Variants in KCNIP4 observed in about 807,000 individuals in gnomAD.
KCNIP4 encodes the protein potassium voltage-gated channel interacting protein 4.
KCNIP4 carries 12 observed loss-of-function variants against 34.0 expected under a neutral mutation model. That is an observed-to-expected ratio of 0.35 (90% confidence interval 0.23 to 0.57). The LOEUF is 0.57. Among genes scored for constraint, KCNIP4 ranks in the 20% least tolerant of loss-of-function variants. KCNIP4 has a pLI of 0.83. For missense variants in KCNIP4, 238 were observed against 311.7 expected (o/e 0.76, Z 1.78); for synonymous variants, 124 against 102.2 (o/e 1.21, Z -1.29).
intron 1 of KCNIP4, among the ~76,000 whole-genome samples, chr4:21,397,891 T>G (rs934786442): frequency 2.0e-5 from 3 of 151,842 alleles, no homozygotes; most frequent in African/African-American, 7.2e-5. Context: ...TTCATAAAAA[T>G]GACATGTTAT....
chr4:20,815,702 T>C (rs371858779), intron 3 of KCNIP4, among the ~76,000 whole-genome samples: 2 of 152,194 alleles, frequency 1.3e-5, no homozygotes, highest in East Asian at 1.9e-4. Context: ...ATGTTAGACA[T>C]TGTCCAGTGG....
At position 21,884,741 on chromosome 4, in the gene KCNIP4, C is replaced by T. The variant is rs78684657; in HGVS notation, c.61+63830G>A. ...CCAACCAGAAGAAAAGGAATGCCAA[C>T]ATCATCACTTGCTACTGTCCCCCTC... On this transcript the variant is annotated intron_variant, in intron 1 of 8. Coordinates refer to ENST00000382152, the MANE Select transcript of KCNIP4 (RefSeq NM_025221.6). Among the ~76,000 whole-genome samples the T allele has an allele frequency of 1.8e-3, 278 of 152,168 alleles. 10 individuals carry two copies. The East Asian group carries it at 0.051, about 28-fold the overall frequency.
At chr4:21,658,654 G>GC (rs1292860145) in intron 1 of KCNIP4, among the ~76,000 whole-genome samples, 2 of 152,266 alleles carry the variant, frequency 1.3e-5, no homozygotes, top group African/African-American at 4.8e-5. Flanking sequence ...GGCCACCTCA[G>GC]CCCCCCAAAG....
At chr4:21,708,481 C>T (rs764281210) in intron 1 of KCNIP4, among the ~76,000 whole-genome samples, 2 of 151,942 alleles carry the variant, frequency 1.3e-5, no homozygotes, top group African/African-American at 2.4e-5. Flanking sequence ...ATAATCAAAG[C>T]GACATAAGCC....
intron 1 of KCNIP4, among the ~76,000 whole-genome samples, chr4:21,559,559 C>T (rs928888164): frequency 2.6e-5 from 4 of 151,994 alleles, no homozygotes; most frequent in South Asian, 2.1e-4. Context: ...TGTGCTATAA[C>T]AGAGGGCTCA....
intron 1 of KCNIP4, among the ~76,000 whole-genome samples, chr4:21,404,586 A>G (rs1470694923): frequency 6.6e-6 from 1 of 152,192 alleles, no homozygotes; most frequent in African/African-American, 2.4e-5. Flanking sequence ...ATAAACATGT[A>G]CACGTATACA....
At chr4:21,035,567 AC>A (rs1458400518) in intron 1 of KCNIP4, among the ~76,000 whole-genome samples, 1 of 152,288 alleles carries the variant, frequency 6.6e-6, no homozygotes, top group African/African-American at 2.4e-5. Context: ...CCATTGGACA[AC>A]CAAAAATTAT....
At chr4:21,235,649 G>A (rs956466745) in intron 1 of KCNIP4, among the ~76,000 whole-genome samples, 2 of 152,040 alleles carry the variant, frequency 1.3e-5, no homozygotes, top group Non-Finnish European at 2.9e-5. Context: ...ACCTAACAGC[G>A]TATCATAAAC....
At chr4:20,929,628 T>C (rs571760761) in intron 1 of KCNIP4, among the ~76,000 whole-genome samples, 1 of 102,244 alleles carries the variant, frequency 9.8e-6, no homozygotes, top group African/African-American at 2.9e-5. Context: ...TAATCCCTTA[T>C]GTAGAAAACC....
At chr4:21,141,003 G>A (rs1209701473) in intron 1 of KCNIP4, among the ~76,000 whole-genome samples, 1 of 152,190 alleles carries the variant, frequency 6.6e-6, no homozygotes, top group East Asian at 1.9e-4. Context: ...ACTTGGAGAT[G>A]CTGTGAGTTT....
intron 1 of KCNIP4, among the ~76,000 whole-genome samples, chr4:21,717,947 T>C (rs186217555): frequency 3.9e-5 from 6 of 152,346 alleles, no homozygotes; most frequent in Admixed American, 3.9e-4. Flanking sequence ...TGGCATCTTT[T>C]TGACTTCTCT....
intron 1 of KCNIP4, among the ~76,000 whole-genome samples, chr4:21,612,896 G>C (rs930998515): frequency 1.3e-5 from 2 of 152,120 alleles, no homozygotes; most frequent in Non-Finnish European, 2.9e-5. Context: ...CCCTGACTTG[G>C]GGATATCAGA....
intron 1 of KCNIP4, among the ~76,000 whole-genome samples, chr4:20,983,249 A>T (rs1429383878): frequency 6.6e-6 from 1 of 152,230 alleles, no homozygotes; most frequent in Admixed American, 6.5e-5. Flanking sequence ...ATGAGCAATG[A>T]GACTCACTGG....
chr4:21,897,955 G>C (rs1258147571), intron 1 of KCNIP4, among the ~76,000 whole-genome samples: 3 of 152,024 alleles, frequency 2.0e-5, no homozygotes, highest in South Asian at 4.2e-4. Flanking sequence ...TGTGTGTTTG[G>C]GGGAGGGAAA....
chr4:21,146,977 G>A (rs1024286753), intron 1 of KCNIP4, among the ~76,000 whole-genome samples: 14 of 151,992 alleles, frequency 9.2e-5, no homozygotes, highest in Non-Finnish European at 7.4e-5. Flanking sequence ...GTATATATAT[G>A]TGGGGGGCAT....
At chr4:20,822,212 T>C (rs1717196896) in intron 3 of KCNIP4, among the ~76,000 whole-genome samples, 1 of 151,226 alleles carries the variant, frequency 6.6e-6, no homozygotes, top group South Asian at 2.1e-4. Flanking sequence ...CTCAAACAAA[T>C]CAGCAAGAAA....
chr4:21,507,541 G>A (rs996027510), intron 1 of KCNIP4, among the ~76,000 whole-genome samples: 8 of 152,252 alleles, frequency 5.3e-5, no homozygotes, highest in African/African-American at 1.9e-4. Flanking sequence ...ACAGGCATGA[G>A]CCACTGCACC....
intron 1 of KCNIP4, among the ~76,000 whole-genome samples, chr4:21,578,521 G>C (rs1740936653): frequency 6.6e-6 from 1 of 151,986 alleles, no homozygotes; most frequent in Non-Finnish European, 1.5e-5. Flanking sequence ...GAGCAGGAGA[G>C]AGAAAATAAG....
intron 1 of KCNIP4, among the ~76,000 whole-genome samples, chr4:21,798,426 T>TATATATATATATATATATATATATA (rs55661046): frequency 2.8e-5 from 4 of 143,296 alleles, no homozygotes; most frequent in East Asian, 4.1e-4. Flanking sequence ...TATATATATA[T>TATATATATATATATATATATATATA]TTGCTGGGTG....
Sources: allele counts gnomAD v4.1 joint callset (sites outside exome capture counted in the v4.1 genomes callset), GRCh38; gene constraint gnomAD v4.1.1; transcripts MANE v1.5; gene names NCBI Gene and HGNC (gene_info 2026-07-23, HGNC 2026-07-21).